Variants in ERC2 observed in about 807,000 individuals in gnomAD.
ERC2 encodes ELKS/RAB6-interacting/CAST family member 2.
ERC2 carries 42 observed loss-of-function variants against 114.8 expected under a neutral mutation model. The ratio of observed to expected loss-of-function variants is 0.37; its 90% confidence interval spans 0.29 to 0.47. The LOEUF is 0.47. Ranked by LOEUF, ERC2 falls within the 20% of genes least tolerant of loss-of-function variation. ERC2 has a pLI of 0.99. For missense variants in ERC2, 939 were observed against 1,150.7 expected (o/e 0.82, Z 2.66); for synonymous variants, 454 against 425.5 (o/e 1.07, Z -0.82).
At chr3:56,046,183 T>C (rs147097955) in intron 7 of ERC2, among the ~76,000 whole-genome samples, 3 of 152,286 alleles carry the variant, frequency 2.0e-5, no homozygotes, top group African/African-American at 7.2e-5. Flanking sequence ...AAAATAATAG[T>C]TACTCCCAAT....
At chr3:56,344,685 G>A (rs775036929) in intron 2 of ERC2, among the ~76,000 whole-genome samples, 5 of 152,224 alleles carry the variant, frequency 3.3e-5, no homozygotes, top group African/African-American at 9.6e-5. Flanking sequence ...TAAGGAATCA[G>A]AATTGGAGCA....
intron 17 of ERC2, among the ~76,000 whole-genome samples, chr3:55,553,369 T>G: frequency 6.6e-6 from 1 of 152,090 alleles, no homozygotes; most frequent in Non-Finnish European, 1.5e-5. Context: ...GTTATTAAAA[T>G]GCACTGGCAC....
chr3:55,957,737 G>A (rs2068060216), intron 12 of ERC2, among the ~76,000 whole-genome samples: 1 of 152,124 alleles, frequency 6.6e-6, no homozygotes, highest in East Asian at 1.9e-4. Context: ...GGAGGAGGGG[G>A]GGGCAGCTCC....
chr3:55,802,139 T>C (rs2071108889), intron 14 of ERC2, among the ~76,000 whole-genome samples: 1 of 152,264 alleles, frequency 6.6e-6, no homozygotes, highest in African/African-American at 2.4e-5. Flanking sequence ...AATATCACAG[T>C]GTATATCTAC....
intron 10 of ERC2, among the ~76,000 whole-genome samples, chr3:56,000,933 A>T (rs1373241411): frequency 6.6e-6 from 1 of 151,966 alleles, no homozygotes; most frequent in Non-Finnish European, 1.5e-5. Flanking sequence ...AATTACCAAC[A>T]TTAGAGGAAT....
intron 14 of ERC2, among the ~76,000 whole-genome samples, chr3:55,885,170 T>C (rs892336189): frequency 1.3e-5 from 2 of 152,160 alleles, no homozygotes; most frequent in African/African-American, 2.4e-5. Flanking sequence ...TGGGTGCTGG[T>C]TGAATGAAAA....
At chr3:56,440,288 A>G (rs990107068) in intron 1 of ERC2, among the ~76,000 whole-genome samples, 6 of 152,244 alleles carry the variant, frequency 3.9e-5, no homozygotes, top group African/African-American at 1.4e-4. Context: ...TCACGCCTGT[A>G]ATCCCAGCAC....
At chr3:56,318,783 TA>T (rs59210019) in intron 2 of ERC2, among the ~76,000 whole-genome samples, 354 of 142,774 alleles carry the variant, frequency 2.5e-3, no homozygotes, top group Non-Finnish European at 3.1e-3. Context: ...ATGGCTGTTA[TA>T]AAAAAAAAAA....
chr3:56,365,573 C>A (rs954804646), intron 2 of ERC2, among the ~76,000 whole-genome samples: 3 of 152,196 alleles, frequency 2.0e-5, no homozygotes, highest in African/African-American at 7.2e-5. Flanking sequence ...GCCAAAGGGC[C>A]AAATCCAACC....
intron 6 of ERC2, 148 bp downstream of exon 6, chr3:56,139,361 C>T: frequency 1.4e-6 from 1 of 740,286 alleles, no homozygotes; most frequent in South Asian, 2.1e-5. Flanking sequence ...TGCATCTCAC[C>T]TTTCTGAAAG....
chr3:55,906,733 G>A (rs946877305), intron 13 of ERC2, among the ~76,000 whole-genome samples: 5 of 152,166 alleles, frequency 3.3e-5, no homozygotes, highest in African/African-American at 1.2e-4. Flanking sequence ...GGAAGAGTGA[G>A]CACCATTTTG....
intron 14 of ERC2, among the ~76,000 whole-genome samples, chr3:55,854,925 T>C (rs2061727058): frequency 6.6e-6 from 1 of 152,152 alleles, no homozygotes; most frequent in African/African-American, 2.4e-5. Flanking sequence ...GAAGCTCAGC[T>C]GTAAATAGAG....
chr3:56,263,023 AAATAT>A (rs2053045898), intron 3 of ERC2, among the ~76,000 whole-genome samples: 1 of 152,242 alleles, frequency 6.6e-6, no homozygotes, highest in Non-Finnish European at 1.5e-5. Flanking sequence ...CAAGCAAAGC[AAATAT>A]AATACTAGCC....
At chr3:56,188,371 C>T (rs1211217709) in intron 3 of ERC2, among the ~76,000 whole-genome samples, 2 of 152,148 alleles carry the variant, frequency 1.3e-5, no homozygotes, top group Non-Finnish European at 2.9e-5. Context: ...TTCACAGCTC[C>T]AGCCAGAGGG....
intron 14 of ERC2, among the ~76,000 whole-genome samples, chr3:55,745,742 G>A (rs990766911): frequency 3.3e-5 from 5 of 152,200 alleles, no homozygotes; most frequent in African/African-American, 1.2e-4. Flanking sequence ...TTGTCCATGG[G>A]TGATCAGTTA....
intron 2 of ERC2, among the ~76,000 whole-genome samples, chr3:56,357,969 C>T (rs560240133): frequency 6.6e-6 from 1 of 151,702 alleles, no homozygotes; most frequent in East Asian, 1.9e-4. Flanking sequence ...CCACCAGACT[C>T]CTTCTGCCCT....
intron 2 of ERC2, among the ~76,000 whole-genome samples, chr3:56,331,094 G>A (rs1437784450): frequency 6.6e-6 from 1 of 152,158 alleles, no homozygotes; most frequent in African/African-American, 2.4e-5. Context: ...ACTTTAGTTA[G>A]GCTCCTGTAG....
intron 17 of ERC2, among the ~76,000 whole-genome samples, chr3:55,670,255 G>A (rs1386294618): frequency 6.6e-6 from 1 of 152,196 alleles, no homozygotes; most frequent in Non-Finnish European, 1.5e-5. Flanking sequence ...CCTATATGCA[G>A]ACTGGACATT....
chr3:55,813,640 T>C (rs985326294), intron 14 of ERC2, among the ~76,000 whole-genome samples: 1 of 152,222 alleles, frequency 6.6e-6, no homozygotes, highest in African/African-American at 2.4e-5. Context: ...CTTTCTATGC[T>C]AGCCTTCTTC....
Sources: allele counts gnomAD v4.1 joint callset (sites outside exome capture counted in the v4.1 genomes callset), GRCh38; gene constraint gnomAD v4.1.1; transcripts MANE v1.5; gene names NCBI Gene and HGNC (gene_info 2026-07-23, HGNC 2026-07-21).